The following MYCBP2 variants were observed in gnomAD, a reference collection of about 807,000 sequenced individuals.
The protein encoded by MYCBP2 is E3 ubiquitin-protein ligase MYCBP2.
Under a neutral mutation model 525.3 loss-of-function variants are expected in MYCBP2, and 120 were observed. That is an observed-to-expected ratio of 0.23 (90% confidence interval 0.20 to 0.27). The LOEUF (loss-of-function observed/expected upper bound fraction) is 0.27, where lower values mean the gene tolerates loss of function less well. Among genes scored for constraint, MYCBP2 ranks in the 10% least tolerant of loss-of-function variants. The pLI is 1.00. For missense variants in MYCBP2, 4,149 were observed against 5,657.1 expected, an observed-to-expected ratio of 0.73 and a Z score of 8.55; for synonymous variants, 1,894 against 1,955.8, an observed-to-expected ratio of 0.97 and a Z score of 0.83.
At chr13:77,218,952 T>C (rs1405470497) in intron 20 of MYCBP2, among the ~76,000 whole-genome samples, 1 of 152,158 alleles carries the variant, frequency 6.6e-6, no homozygotes, top group Non-Finnish European at 1.5e-5. Flanking sequence ...GATGGTGACT[T>C]TGATAGCTAT....
intron 12 of MYCBP2, 44 bp downstream of exon 12, chr13:77,261,127 A>G: frequency 6.7e-7 from 1 of 1,484,200 alleles, no homozygotes; most frequent in Non-Finnish European, 9.2e-7. Flanking sequence ...TACTAAAATA[A>G]AGCATTTATT....
chr13:77,227,652 T>C (rs2066488672), intron 18 of MYCBP2, among the ~76,000 whole-genome samples: 1 of 152,206 alleles, frequency 6.6e-6, no homozygotes, highest in South Asian at 2.1e-4. Flanking sequence ...TGTGTTCATA[T>C]GATTCTGCCA....
intron 3 of MYCBP2, among the ~76,000 whole-genome samples, chr13:77,280,878 T>C (rs1406879126): frequency 1.3e-5 from 2 of 152,228 alleles, no homozygotes; most frequent in Non-Finnish European, 2.9e-5. Context: ...TGGTTCATTG[T>C]AGACTTTTTG....
intron 14 of MYCBP2, among the ~76,000 whole-genome samples, chr13:77,251,610 T>C (rs1433172890): frequency 6.6e-6 from 1 of 152,206 alleles, no homozygotes; most frequent in Non-Finnish European, 1.5e-5. Context: ...CTGTCAATCA[T>C]ACTTTTAAAT....
intron 26 of MYCBP2, 67 bp downstream of exon 26, chr13:77,205,189 A>G: frequency 7.5e-7 from 1 of 1,331,804 alleles, no homozygotes; most frequent in East Asian, 2.8e-5. Flanking sequence ...TTAAATAATA[A>G]AATAATAAAT....
intron 14 of MYCBP2, among the ~76,000 whole-genome samples, chr13:77,254,968 A>C (rs952463098): frequency 6.6e-6 from 1 of 151,942 alleles, no homozygotes; most frequent in African/African-American, 2.4e-5. Context: ...TCTATTGTGT[A>C]TGTACCACAT....
At chr13:77,171,743 A>G (rs2059162076) in intron 37 of MYCBP2, 109 bp from the exon 38 acceptor site, 2 of 1,048,188 alleles carry the variant, frequency 1.9e-6, no homozygotes, top group African/African-American at 1.6e-5. Flanking sequence ...TAGCTTTTTA[A>G]AAGTTAAAAA....
chr13:77,172,371 G>GT (rs2059231264), intron 37 of MYCBP2, among the ~76,000 whole-genome samples: 2 of 152,134 alleles, frequency 1.3e-5, no homozygotes, highest in African/African-American at 4.8e-5. Flanking sequence ...GTCAAATTGT[G>GT]TAAGGTTTGT....
At chr13:77,169,481 GATCT>G (rs575520741) in intron 39 of MYCBP2, 129 bp downstream of exon 39, 1 of 641,540 alleles carries the variant, frequency 1.6e-6, no homozygotes, top group Non-Finnish European at 2.8e-6. Context: ...ATAATTAGCA[GATCT>G]ATCTCTGCTT....
intron 55 of MYCBP2, among the ~76,000 whole-genome samples, chr13:77,109,331 G>C (rs1392311957): frequency 6.6e-6 from 1 of 152,160 alleles, no homozygotes; most frequent in Non-Finnish European, 1.5e-5. Flanking sequence ...TGCATGCACA[G>C]TTCATACTAG....
chr13:77,168,307 T>C (rs2058751802), intron 40 of MYCBP2, 121 bp downstream of exon 40: 1 of 733,210 alleles, frequency 1.4e-6, no homozygotes, highest in South Asian at 1.9e-5. Flanking sequence ...GCTGATTCTC[T>C]ATATGTAAAT....
Position 77,062,595 on chromosome 13 carries a change from C to A in MYCBP2, c.12774+1G>T, listed in dbSNP as rs2039497163. 1 of 1,611,932 alleles carries A rather than the reference C, an allele frequency of 6.2e-7. No homozygotes were observed. Among genetic ancestry groups the A allele is most frequent in the Admixed American group, 1.7e-5 (1 of 59,990 alleles). On this transcript the variant is annotated splice_donor_variant, in intron 74 of 82. Coordinates refer to ENST00000544440, the MANE Select transcript of MYCBP2 (RefSeq NM_015057.5). LOFTEE classifies it high-confidence loss of function. ...AAATTCTTACAAAATTCTGATCTTA[C>A]CATTTGTTTTTGTTGTCCATCCTTT...
chr13:77,251,484 T>C lies in MYCBP2; in HGVS notation c.2177-129A>G. On this transcript the variant is annotated intron_variant, in intron 14 of 82. Transcript: ENST00000544440. ...GCAATTATACAAAGAAATGCTTAAA[T>C]TTGAGTAACAAAAATAAATTTTAAT... The C allele has an allele frequency of 5.5e-6, 4 of 724,586 alleles. No individual in the cohort carries two copies. The East Asian group carries it at 1.1e-4, about 19-fold the overall frequency. 44.9% of individuals were successfully genotyped at this position (724,586 alleles called of 1,614,324 possible).
chr13:77,318,283 T>C (rs757458697), intron 1 of MYCBP2, among the ~76,000 whole-genome samples: 1 of 152,154 alleles, frequency 6.6e-6, no homozygotes, highest in Non-Finnish European at 1.5e-5. Context: ...ATTGGGCCCA[T>C]GCACAGCCAT....
At chr13:77,145,101 C>T (rs957805722) in intron 48 of MYCBP2, among the ~76,000 whole-genome samples, 1 of 152,208 alleles carries the variant, frequency 6.6e-6, no homozygotes, top group Non-Finnish European at 1.5e-5. Flanking sequence ...TACATCTCTT[C>T]TCCGATTTAT....
chr13:77,129,107 A>T, intron 52 of MYCBP2: 1 of 396,998 alleles, frequency 2.5e-6, no homozygotes. Flanking sequence ...TTTGTTATAC[A>T]TGCTGAAATA....
intron 52 of MYCBP2, among the ~76,000 whole-genome samples, chr13:77,134,889 G>A (rs1220671561): frequency 6.6e-6 from 1 of 152,138 alleles, no homozygotes; most frequent in Admixed American, 6.5e-5. Context: ...CATACTTAAC[G>A]ATGAATACAC....
In MYCBP2 at chr13:77,156,150, T is replaced by C. The variant is rs780848860; in HGVS notation, c.6823A>G (p.Asn2275Asp). Residue 2275 changes from asparagine to aspartate, a missense_variant, in exon 46 of 83, where the codon AAT (asparagine) becomes GAT (aspartate). Transcript: ENST00000544440. The part of the protein sequence containing the change: ...ADPQKTSLIL[N>D]KDDIRCGWPT... Reference sequence around the variant, plus strand: ...CAACCACAACGAATATCATCCTTATTCAGGATCAAAGATGTTTTCTGAGGA... The same window carrying C: ...CAACCACAACGAATATCATCCTTATCCAGGATCAAAGATGTTTTCTGAGGA... The C allele has an allele frequency of 4.3e-6, 7 of 1,614,042 alleles. No individual in the cohort carries two copies. Among genetic ancestry groups the C allele is most frequent in the Non-Finnish European group, 5.9e-6 (7 of 1,179,970 alleles).
intron 2 of MYCBP2, among the ~76,000 whole-genome samples, chr13:77,294,025 T>G (rs1370307305): frequency 1.4e-5 from 2 of 146,158 alleles, no homozygotes; most frequent in African/African-American, 2.5e-5. Flanking sequence ...CTGGGTAAGA[T>G]GGAAATTAAA....
Sources: gnomAD v4.1 joint callset for allele counts (sites outside exome capture counted in the v4.1 genomes callset) on GRCh38, gnomAD v4.1.1 for gene constraint, MANE v1.5 for transcripts, NCBI Gene and HGNC (gene_info 2026-07-23, HGNC 2026-07-21) for gene names.